The following GAK variants were observed in gnomAD, a reference collection of about 807,000 sequenced individuals.
GAK encodes cyclin-G-associated kinase.
GAK carries 79 observed loss-of-function variants against 143.9 expected under a neutral mutation model. The observed-to-expected ratio is 0.55, with a 90% CI of 0.46 to 0.66. The LOEUF (loss-of-function observed/expected upper bound fraction) is 0.66. Among genes scored for constraint, GAK ranks in the 30% least tolerant of loss-of-function variants. The probability of loss-of-function intolerance (pLI) is 0.00; values close to 1 mark genes in which losing one functional copy is unlikely to be tolerated. For synonymous variants in GAK, 881 were observed against 765.5 expected, an observed-to-expected ratio of 1.15 and a Z score of -2.49; for missense variants, 1,693 against 1,779.7, an observed-to-expected ratio of 0.95 and a Z score of 0.88.
At chr4:914,217 A>C (rs1374782101) in intron 1 of GAK, among the ~76,000 whole-genome samples, 1 of 31,974 alleles carries the variant, frequency 3.1e-5, no homozygotes, top group African/African-American at 1.5e-4. Flanking sequence ...CACAGCCCCC[A>C]CACACACAGC....
intron 1 of GAK, among the ~76,000 whole-genome samples, chr4:923,837 A>G (rs952689773): frequency 6.6e-6 from 1 of 152,130 alleles, no homozygotes; most frequent in Non-Finnish European, 1.5e-5. Flanking sequence ...TTATATAAAT[A>G]TATAAACATA....
At chr4:855,447 C>T (rs891906828) in intron 24 of GAK, among the ~76,000 whole-genome samples, 3 of 152,108 alleles carry the variant, frequency 2.0e-5, no homozygotes, top group African/African-American at 4.8e-5. Context: ...TGGTATCCTG[C>T]GACCTTACTG....
chr4:865,608 C>T (rs1460062691), intron 22 of GAK, among the ~76,000 whole-genome samples: 11 of 152,360 alleles, frequency 7.2e-5, no homozygotes, highest in African/African-American at 2.6e-4. Context: ...CTCCACCTGG[C>T]TGAGCTGCCT....
chr4:923,916 G>A (rs190320907), intron 1 of GAK, among the ~76,000 whole-genome samples: 99 of 152,274 alleles, frequency 6.5e-4, no homozygotes, highest in African/African-American at 2.2e-3. Flanking sequence ...CAGGCGCCGT[G>A]GCTCATGCCT....
chr4:913,073 G>A (rs540272523), intron 2 of GAK, among the ~76,000 whole-genome samples: 3 of 152,300 alleles, frequency 2.0e-5, no homozygotes, highest in South Asian at 2.1e-4. Context: ...AAGGAAGAGC[G>A]GCAATGCTCT....
chr4:878,207 G>A (rs996759041), intron 15 of GAK, among the ~76,000 whole-genome samples: 4 of 152,222 alleles, frequency 2.6e-5, no homozygotes, highest in South Asian at 2.1e-4. Context: ...TGGGCAACAC[G>A]GTGAAACCCT....
chr4:903,290 C>T lies in GAK; in HGVS notation c.525+1347G>A, dbSNP rs534297171. On this transcript the variant is annotated intron_variant, in intron 5 of 27. Coordinates refer to ENST00000314167, the MANE Select transcript of GAK (RefSeq NM_005255.4). ...ACGCCAACCCCGGGATGCCACGCCT[C>T]GGAGAAACCCGTGGTGACAGGAGAG... 2.6e-5 allele frequency among the ~76,000 whole-genome samples: 4 copies of T among 152,288 alleles called. No individual in the cohort carries two copies. The East Asian group carries it at 5.8e-4, about 22-fold the overall frequency.
chr4:913,301 T>C (rs1303984093), intron 2 of GAK, among the ~76,000 whole-genome samples: 1 of 152,216 alleles, frequency 6.6e-6, no homozygotes, highest in East Asian at 1.9e-4. Flanking sequence ...AAACTCCTTG[T>C]ATTCATAGAG....
rs777601344 is a variant in GAK at position 877,243 on chromosome 4, C to A, written c.1857-36G>T. 11 of 1,409,418 alleles carry A rather than the reference C, an allele frequency of 7.8e-6. No homozygotes were observed. In the Admixed American group the frequency reaches 1.0e-4, roughly 13 times the overall value. 87.3% of individuals were successfully genotyped at this position (1,409,418 alleles called of 1,614,324 possible). Reference sequence around the variant, plus strand: ...AATGACAAGAGAAAAATTTTAAAAACCCCCAAAACCAACCAAACAAAAACA... The same window carrying A: ...AATGACAAGAGAAAAATTTTAAAAAACCCCAAAACCAACCAAACAAAAACA... On this transcript the variant is annotated intron_variant, in intron 16 of 27. Coordinates refer to ENST00000314167, the MANE Select transcript of GAK (RefSeq NM_005255.4).
chr4:916,325 C>G (rs1396282333), intron 1 of GAK, among the ~76,000 whole-genome samples: 2 of 152,182 alleles, frequency 1.3e-5, no homozygotes, highest in East Asian at 3.8e-4. Context: ...GTGGCACTAT[C>G]ACAACCCACT....
rs1226682553 is a variant in GAK, at chr4:904,720, C to T, written c.442G>A (p.Val148Ile). 1 of 1,614,120 alleles carries T rather than the reference C, an allele frequency of 6.2e-7. No individual in the cohort carries two copies. The highest frequency in any genetic ancestry group is 8.5e-7 in the Non-Finnish European group (1 of 1,179,964). Residue 148 changes from valine (V) to isoleucine (I), a missense_variant, in exon 5 of 28, where the codon GTT becomes ATT. Physicochemically the swap from Val to Ile is conservative, Grantham distance 29 (BLOSUM62 3). Coordinates refer to ENST00000314167, the MANE Select transcript of GAK (RefSeq NM_005255.4). The part of the protein sequence containing the change: ...ESRGPLSCDT[V>I]LKIFYQTCRA... Reference sequence around the variant, plus strand: ...CACGTCTGGTAGAAGATCTTCAGAACCGTGTCGCACGAAAGGGGGCCTCGA... The same window carrying T: ...CACGTCTGGTAGAAGATCTTCAGAATCGTGTCGCACGAAAGGGGGCCTCGA...
At chr4:903,895 A>G (rs1052755754) in intron 5 of GAK, among the ~76,000 whole-genome samples, 10 of 152,256 alleles carry the variant, frequency 6.6e-5, no homozygotes, top group Non-Finnish European at 1.3e-4. Context: ...GAAGGCCCCC[A>G]GCAGGGAGGC....
intron 2 of GAK, among the ~76,000 whole-genome samples, 167 bp from the exon 3 acceptor site, chr4:912,961 G>T (rs1266576636): frequency 6.6e-6 from 1 of 152,236 alleles, no homozygotes; most frequent in Admixed American, 6.5e-5. Context: ...AACGTGCTGG[G>T]GGTTCAAGAC....
At chr4:899,535 C>T (rs1156317601) in intron 5 of GAK, among the ~76,000 whole-genome samples, 2 of 152,162 alleles carry the variant, frequency 1.3e-5, no homozygotes, top group South Asian at 4.1e-4. Flanking sequence ...GAAGGCAAGT[C>T]GAGGAAAGGC....
intron 15 of GAK, 83 bp downstream of exon 15, chr4:881,824 C>T: frequency 7.0e-7 from 1 of 1,433,656 alleles, no homozygotes; most frequent in South Asian, 1.4e-5. Flanking sequence ...ACCGACTGGC[C>T]CTCCAGGAGA....
At chr4:868,415 C>A (rs1228336110) in intron 20 of GAK, 124 bp downstream of exon 20, 1 of 873,148 alleles carries the variant, frequency 1.1e-6, no homozygotes, top group East Asian at 2.7e-5. Context: ...GGTGCACAGC[C>A]CCACTGAGGT....
At chr4:851,144 C>T in intron 25 of GAK, 60 bp from the exon 26 acceptor site, 1 of 1,465,866 alleles carries the variant, frequency 6.8e-7, no homozygotes, top group Non-Finnish European at 9.5e-7. Context: ...GTCACCCAGG[C>T]CAGAGTGCAA....
At chr4:861,196 C>G (rs912568066) in intron 23 of GAK, among the ~76,000 whole-genome samples, 9 of 152,122 alleles carry the variant, frequency 5.9e-5, no homozygotes, top group African/African-American at 2.2e-4. Flanking sequence ...AATTCAGAAC[C>G]TACAACGGCC....
chr4:895,700 G>C (rs1329306277), intron 7 of GAK, among the ~76,000 whole-genome samples: 6 of 152,236 alleles, frequency 3.9e-5, no homozygotes, highest in African/African-American at 1.4e-4. Flanking sequence ...CACCCTCCAC[G>C]CGTGGTCACC....
Sources: gnomAD v4.1 joint callset for allele counts (sites outside exome capture counted in the v4.1 genomes callset) on GRCh38, gnomAD v4.1.1 for gene constraint, MANE v1.5 for transcripts, NCBI Gene and HGNC (gene_info 2026-07-23, HGNC 2026-07-21) for gene names.